The following ZNF600 variants were observed in gnomAD, a reference collection of about 807,000 sequenced individuals.
ZNF600 encodes zinc finger protein KR-ZNF1.
In ZNF600, 4 loss-of-function variants were observed where a neutral mutation model predicts 7.3. The observed-to-expected ratio is 0.55, with a 90% CI of 0.27 to 1.25. The LOEUF (loss-of-function observed/expected upper bound fraction) is 1.25, where lower values mean the gene tolerates loss of function less well. Among genes scored for constraint, ZNF600 ranks in the 50% most tolerant of loss-of-function variants. The pLI is 0.12. For synonymous variants in ZNF600, 290 were observed against 308.9 expected (o/e 0.94, Z 0.64); for missense variants, 911 against 922.1 (o/e 0.99, Z 0.16).
intron 3 of ZNF600, among the ~76,000 whole-genome samples, chr19:52,771,798 A>G (rs2062632424): frequency 1.3e-5 from 2 of 152,056 alleles, no homozygotes; most frequent in African/African-American, 4.8e-5. Flanking sequence ...AATTTAGTAG[A>G]TTCAAGGTTT....
At chr19:52,780,410 A>T (rs1296041242) in intron 1 of ZNF600, among the ~76,000 whole-genome samples, 171 bp downstream of exon 3, 1 of 152,228 alleles carries the variant, frequency 6.6e-6, no homozygotes. Context: ...AGAGAGGGAC[A>T]GCTCAAGTGA....
the ZNF600 span, among the ~76,000 whole-genome samples, chr19:52,792,535 A>G: frequency 2.6e-5 from 4 of 152,136 alleles, no homozygotes; most frequent in South Asian, 8.3e-4. Flanking sequence ...CCTGGGCGAC[A>G]AAACGAGACT....
At chr19:52,801,587 G>A in the ZNF600 span, 1 of 1,613,998 alleles carries the variant, frequency 6.2e-7, no homozygotes, top group African/African-American at 1.3e-5. Context: ...TTTTCTGGAA[G>A]CAAAAATCTC....
chr19:52,795,234 T>C, the ZNF600 span, among the ~76,000 whole-genome samples: 2 of 151,948 alleles, frequency 1.3e-5, no homozygotes, highest in Non-Finnish European at 2.9e-5. Context: ...ATAAAGAAAA[T>C]GGAATAATAG....
the ZNF600 span, chr19:52,817,847 G>A: frequency 3.8e-6 from 6 of 1,587,992 alleles, no homozygotes; most frequent in Admixed American, 3.4e-5. Flanking sequence ...AAACATATCA[G>A]GCAGGACACT....
At chr19:52,816,834 AAATAATAATAATAAT>A in the ZNF600 span, among the ~76,000 whole-genome samples, 10 of 138,402 alleles carry the variant, frequency 7.2e-5, no homozygotes, top group East Asian at 2.1e-4. Flanking sequence ...CCGTTTCAGA[AAATAATAATAATAAT>A]AATAATAATA....
chr19:52,791,374 T>C (rs1475239099), upstream of ZNF600, among the ~76,000 whole-genome samples: 2 of 152,186 alleles, frequency 1.3e-5, no homozygotes, highest in African/African-American at 2.4e-5. Context: ...AGGGCAGGCA[T>C]GGGTGAGTGC....
intron 2 of ZNF600, 130 bp from the exon 5 acceptor site, chr19:52,774,831 A>G (rs1403797225): frequency 1.0e-6 from 1 of 981,288 alleles, no homozygotes; most frequent in African/African-American, 1.7e-5. Flanking sequence ...GGTATTTTGA[A>G]TATTTTTTCC....
upstream of ZNF600, among the ~76,000 whole-genome samples, chr19:52,787,801 A>G (rs1042855628): frequency 8.8e-5 from 13 of 148,352 alleles, no homozygotes; most frequent in South Asian, 1.5e-3. Context: ...CGGAGCGTGC[A>G]GTGAGCCAAG....
the ZNF600 span, chr19:52,809,831 CG>C: frequency 1.8e-6 from 1 of 554,796 alleles, no homozygotes; most frequent in Non-Finnish European, 3.1e-6. Flanking sequence ...AAGGCGGCGG[CG>C]GCGGCGGTGG....
the ZNF600 span, chr19:52,801,428 C>G: frequency 5.0e-6 from 8 of 1,614,102 alleles, no homozygotes; most frequent in Non-Finnish European, 6.8e-6. Context: ...TTAATCCAAG[C>G]TGATCTTTAA....
At chr19:52,764,874 A>G (rs891601157) in exon 4 of ZNF600, 1 of 176,182 alleles carries the variant, frequency 5.7e-6, no homozygotes, top group Non-Finnish European at 1.2e-5. Flanking sequence ...AAAAAGTACT[A>G]TCTCAAAAAA....
the ZNF600 span, among the ~76,000 whole-genome samples, chr19:52,820,863 C>T: frequency 6.6e-6 from 1 of 152,072 alleles, no homozygotes; most frequent in Non-Finnish European, 1.5e-5. Flanking sequence ...CTTTCTCATT[C>T]TTCTTTTCTC....
downstream of ZNF600, chr19:52,764,479 T>A (rs987139148): frequency 1.7e-5 from 2 of 117,180 alleles, no homozygotes; most frequent in African/African-American, 3.6e-5. Flanking sequence ...ACCAAAGTGT[T>A]GTGATTGCAG....
exon 4 of ZNF600, chr19:52,766,470 A>T: frequency 6.2e-7 from 1 of 1,614,130 alleles, no homozygotes; most frequent in Non-Finnish European, 8.5e-7. Context: ...ATGAATTAGA[A>T]GATCTGAATT....
the ZNF600 span, among the ~76,000 whole-genome samples, chr19:52,826,495 C>G: frequency 6.6e-6 from 1 of 152,058 alleles, no homozygotes; most frequent in Non-Finnish European, 1.5e-5. Flanking sequence ...ATCATGAGGT[C>G]AGGATTTTGA....
chr19:52,808,008 C>T, the ZNF600 span: 1 of 1,613,260 alleles, frequency 6.2e-7, no homozygotes, highest in South Asian at 1.1e-5. Context: ...TATCCTCACC[C>T]AGGGAGACCA....
chr19:52,778,830 G>C, exon 2 of ZNF600: 2 of 1,607,024 alleles, frequency 1.2e-6, no homozygotes, highest in Admixed American at 1.7e-5. Flanking sequence ...CTTCACCTGA[G>C]GAAGAGCCAT....
At chr19:52,775,200 A>G (rs2062664265) in intron 2 of ZNF600, among the ~76,000 whole-genome samples, 1 of 152,110 alleles carries the variant, frequency 6.6e-6, no homozygotes, top group Non-Finnish European at 1.5e-5. Context: ...AGATCGCACC[A>G]CTGCACTCCA....
Sources: allele counts gnomAD v4.1 joint callset (sites outside exome capture counted in the v4.1 genomes callset), GRCh38; gene constraint gnomAD v4.1.1; transcripts MANE v1.5; gene names NCBI Gene and HGNC (gene_info 2026-07-23, HGNC 2026-07-21).